Variants in RBPJ observed in about 807,000 individuals in gnomAD.
The protein encoded by RBPJ is recombination signal binding protein for immunoglobulin kappa J region, also known as recombining binding protein suppressor of hairless.
A neutral mutation model predicts 67.8 loss-of-function variants in RBPJ; 9 were observed. The ratio of observed to expected loss-of-function variants is 0.13; its 90% CI spans 0.08 to 0.23. The LOEUF (loss-of-function observed/expected upper bound fraction) is 0.23. Among genes scored for constraint, RBPJ ranks in the 10% least tolerant of loss-of-function variants. The pLI, the probability that RBPJ is intolerant of heterozygous loss-of-function variation, is 1.00. For synonymous variants in RBPJ, 198 were observed against 203.3 expected (o/e 0.97, Z 0.22); for missense variants, 305 against 595.6 (o/e 0.51, Z 5.08).
the RBPJ span, among the ~76,000 whole-genome samples, chr4:26,132,294 C>A: frequency 6.6e-6 from 1 of 152,272 alleles, no homozygotes; most frequent in African/African-American, 2.4e-5. Context: ...ACTCAAGGAC[C>A]CTTGGGCCCC....
the RBPJ span, among the ~76,000 whole-genome samples, chr4:26,157,869 G>A: frequency 6.6e-6 from 1 of 152,180 alleles, no homozygotes; most frequent in Non-Finnish European, 1.5e-5. Context: ...GTTTTTTCCA[G>A]CTGGTAACAA....
chr4:26,127,814 C>T, the RBPJ span, among the ~76,000 whole-genome samples: 1 of 152,128 alleles, frequency 6.6e-6, no homozygotes, highest in Admixed American at 6.5e-5. Context: ...ATCATTGTGG[C>T]CCTAAAGAGG....
chr4:26,315,670 G>T (rs1380506476), upstream of RBPJ, among the ~76,000 whole-genome samples: 1 of 152,016 alleles, frequency 6.6e-6, no homozygotes. Context: ...ATTTACCAGG[G>T]CAGGATTTTT....
chr4:26,184,485 C>T (rs898489976), intron 1 of RBPJ, among the ~76,000 whole-genome samples: 5 of 151,978 alleles, frequency 3.3e-5, no homozygotes, highest in South Asian at 2.1e-4. Flanking sequence ...TAAGCTATCA[C>T]GGAGGGTGGT....
At chr4:26,346,521 C>G (rs895799241) in intron 1 of RBPJ, among the ~76,000 whole-genome samples, 27 of 152,176 alleles carry the variant, frequency 1.8e-4, no homozygotes, top group Admixed American at 1.8e-3. Flanking sequence ...ACATGATTGG[C>G]ACAACTGCTG....
rs113044158 is a variant in RBPJ, at chr4:26,363,729, A to C, written c.21-22624A>C. On this transcript the variant is annotated intron_variant, in intron 1 of 10. Transcript: ENST00000355476. Reference sequence around the variant, plus strand: ...GCTGGGATTACAGGCATGAGCCACCACACCTGGCCAAAGATGAGTAATTTA... The same window carrying C: ...GCTGGGATTACAGGCATGAGCCACCCCACCTGGCCAAAGATGAGTAATTTA... 7.1e-3 allele frequency among the ~76,000 whole-genome samples: 1,085 copies of C among 152,320 alleles called. 7 individuals are homozygous for C. Among genetic ancestry groups the C allele is most frequent in the Non-Finnish European group, 0.012 (813 of 68,014 alleles).
intron 1 of RBPJ, among the ~76,000 whole-genome samples, chr4:26,203,858 G>T (rs1718074709): frequency 6.6e-6 from 1 of 152,190 alleles, no homozygotes; most frequent in Non-Finnish European, 1.5e-5. Context: ...GTGCCTGACA[G>T]TTAGGAACCT....
the RBPJ span, among the ~76,000 whole-genome samples, chr4:26,120,812 A>G: frequency 6.7e-6 from 1 of 148,172 alleles, no homozygotes. Flanking sequence ...GAAGCCTGGC[A>G]AGAGTACTGT....
intron 1 of RBPJ, among the ~76,000 whole-genome samples, chr4:26,372,109 G>A (rs974315975): frequency 3.9e-5 from 6 of 152,138 alleles, no homozygotes; most frequent in Non-Finnish European, 7.3e-5. Context: ...TTGCTGTCTC[G>A]TTTACTTTGC....
chr4:26,113,581 C>A, the RBPJ span: 6 of 433,512 alleles, frequency 1.4e-5, no homozygotes, highest in South Asian at 1.3e-4. Context: ...CCTATGAATG[C>A]AAAGCACATG....
In RBPJ at chr4:26,411,078, T is replaced by C. The variant is rs933581648; in HGVS notation, c.156-4397T>C. Among the ~76,000 whole-genome samples, 12 of 152,270 alleles carry C rather than the reference T, an allele frequency of 7.9e-5. No individual in the cohort carries two copies. In the East Asian group the frequency reaches 2.3e-3, roughly 29 times the overall value. On this transcript the variant is annotated intron_variant, in intron 3 of 10. Transcript: ENST00000355476. ...GACCAACTGCCCAAATTTTAAAAAA[T>C]AGTCAGTTTCACACACCTGGCCTAA... is the stretch of plus-strand genomic sequence containing the variant.
At chr4:26,151,036 G>T in the RBPJ span, among the ~76,000 whole-genome samples, 1 of 152,178 alleles carries the variant, frequency 6.6e-6, no homozygotes, top group African/African-American at 2.4e-5. Flanking sequence ...TGTAATGAAA[G>T]GCTCTAAAAA....
At chr4:26,156,875 G>C in the RBPJ span, among the ~76,000 whole-genome samples, 1 of 150,550 alleles carries the variant, frequency 6.6e-6, no homozygotes, top group Non-Finnish European at 1.5e-5. Context: ...TTGGAGGCCA[G>C]CCTGGGCAAC....
intron 1 of RBPJ, among the ~76,000 whole-genome samples, chr4:26,333,455 C>T (rs1180536165): frequency 2.6e-5 from 4 of 152,110 alleles, no homozygotes; most frequent in African/African-American, 4.8e-5. Flanking sequence ...TAAAGTTACA[C>T]TTGATTAGAC....
intron 1 of RBPJ, among the ~76,000 whole-genome samples, chr4:26,348,893 A>C (rs1263022357): frequency 6.6e-6 from 1 of 152,006 alleles, no homozygotes; most frequent in Admixed American, 6.6e-5. Flanking sequence ...TTTTGTAGAC[A>C]CAAGAGTCTC....
At chr4:26,414,323 C>G (rs1734340831) in intron 3 of RBPJ, among the ~76,000 whole-genome samples, 1 of 152,112 alleles carries the variant, frequency 6.6e-6, no homozygotes, top group South Asian at 2.1e-4. Flanking sequence ...GCGCCTGCCA[C>G]CACGCCCACT....
At chr4:26,174,890 A>G (rs1042212994) in intron 1 of RBPJ, among the ~76,000 whole-genome samples, 1 of 152,220 alleles carries the variant, frequency 6.6e-6, no homozygotes, top group Non-Finnish European at 1.5e-5. Context: ...CGTAGATTTC[A>G]TAAATATTGC....
At chr4:26,210,731 CTTTA>C (rs1362895387) in intron 1 of RBPJ, among the ~76,000 whole-genome samples, 1 of 59,538 alleles carries the variant, frequency 1.7e-5, no homozygotes, top group African/African-American at 6.3e-5. Context: ...TTCTTTCCTT[CTTTA>C]CTTCTTTCCT....
At chr4:26,400,567 G>C (rs914331783) in intron 2 of RBPJ, among the ~76,000 whole-genome samples, 1 of 152,180 alleles carries the variant, frequency 6.6e-6, no homozygotes, top group Non-Finnish European at 1.5e-5. Flanking sequence ...TCCTTAAGAT[G>C]CAGAAAGTCA....
Sources: allele counts gnomAD v4.1 joint callset (sites outside exome capture counted in the v4.1 genomes callset), GRCh38; gene constraint gnomAD v4.1.1; transcripts MANE v1.5; gene names NCBI Gene and HGNC (gene_info 2026-07-23, HGNC 2026-07-21).